DLC1: variants seen among roughly 807,000 people sequenced by gnomAD.
DLC1 encodes the protein DLC1 Rho GTPase activating protein.
In DLC1, 54 loss-of-function variants were observed where a neutral mutation model predicts 140.3. The ratio of observed to expected loss-of-function variants is 0.38; its 90% CI spans 0.31 to 0.48. The LOEUF (loss-of-function observed/expected upper bound fraction) is 0.48, where lower values mean the gene tolerates loss of function less well. Among genes scored for constraint, DLC1 ranks in the 20% least tolerant of loss-of-function variants. The pLI, the probability that DLC1 is intolerant of heterozygous loss-of-function variation, is 0.96. For synonymous variants in DLC1, 986 were observed against 728.1 expected (o/e 1.35, Z -5.70); for missense variants, 2,536 against 1,907.0 (o/e 1.33, Z -6.14).
chr8:13,232,734 A>G (rs1829106235), intron 5 of DLC1, among the ~76,000 whole-genome samples: 1 of 152,206 alleles, frequency 6.6e-6, no homozygotes, highest in South Asian at 2.1e-4. Context: ...GCAGTTCAAG[A>G]GACTGATGTT....
At chr8:13,516,167 TG>T (rs1554536507), upstream of DLC1, among the ~76,000 whole-genome samples, 12 of 151,026 alleles carry the variant, frequency 7.9e-5, no homozygotes, top group East Asian at 1.9e-4. Flanking sequence ...AGCATTTTTT[TG>T]GGGGGGGACT....
chr8:13,518,954 TC>T (rs1802679755), upstream of DLC1, among the ~76,000 whole-genome samples: 3 of 152,120 alleles, frequency 2.0e-5, no homozygotes, highest in South Asian at 6.2e-4. Flanking sequence ...ACATGTGTTT[TC>T]TTTTTTTAAA....
At chr8:13,104,536 G>T (rs564531848) in intron 7 of DLC1, among the ~76,000 whole-genome samples, 84 of 152,280 alleles carry the variant, frequency 5.5e-4, no homozygotes, top group African/African-American at 1.7e-3. Flanking sequence ...TAATGTGTCT[G>T]TTTGCCATCT....
At chr8:13,403,158 T>C (rs759539333) in intron 2 of DLC1, among the ~76,000 whole-genome samples, 15 of 152,230 alleles carry the variant, frequency 9.9e-5, no homozygotes, top group Non-Finnish European at 1.9e-4. Flanking sequence ...TACTATGCTG[T>C]TGTTATTACT....
intron 5 of DLC1, among the ~76,000 whole-genome samples, chr8:13,152,100 G>C (rs1013671543): frequency 6.6e-6 from 1 of 152,130 alleles, no homozygotes; most frequent in Non-Finnish European, 1.5e-5. Context: ...ACAGTCTCAG[G>C]GTTGCTTTGA....
intron 6 of DLC1, among the ~76,000 whole-genome samples, chr8:13,115,309 G>T (rs759520722): frequency 6.6e-6 from 1 of 152,114 alleles, no homozygotes; most frequent in African/African-American, 2.4e-5. Context: ...AAATGGAGTA[G>T]AATTATACAA....
At chr8:13,401,132 A>G (rs1837275760) in intron 3 of DLC1, among the ~76,000 whole-genome samples, 1 of 152,354 alleles carries the variant, frequency 6.6e-6, no homozygotes, top group African/African-American at 2.4e-5. Flanking sequence ...AGTCATAGAC[A>G]TAGTGCTTGC....
In DLC1 at chr8:13,319,957, G is replaced by A. The variant is rs569329865; in HGVS notation, c.1315-14655C>T. On this transcript the variant is annotated intron_variant, in intron 4 of 17. Transcript: ENST00000276297. ...CCTGTCTCAGCCTCCCAAGTAGCTG[G>A]GGTTACAGGTGCACGCCACCACGCC... is the stretch of plus-strand genomic sequence containing the variant. Among the ~76,000 whole-genome samples, 45 of 151,132 alleles carry A rather than the reference G, an allele frequency of 3.0e-4. No homozygotes were observed. The South Asian group carries it at 5.5e-3, about 18-fold the overall frequency.
chr8:13,221,733 T>C (rs1828564929), intron 5 of DLC1, among the ~76,000 whole-genome samples: 1 of 144,150 alleles, frequency 6.9e-6, no homozygotes, highest in Non-Finnish European at 1.5e-5. Context: ...TGTGTATATA[T>C]ATATATATAT....
intron 1 of DLC1, among the ~76,000 whole-genome samples, chr8:13,520,107 G>A (rs1348102425): frequency 1.3e-5 from 2 of 152,166 alleles, no homozygotes; most frequent in African/African-American, 4.8e-5. Context: ...ATTTGACCCT[G>A]CAATCCCATT....
intron 2 of DLC1, among the ~76,000 whole-genome samples, chr8:13,410,008 T>C (rs939594828): frequency 1.3e-5 from 2 of 152,112 alleles, no homozygotes; most frequent in African/African-American, 4.8e-5. Flanking sequence ...TGATGAAAAT[T>C]AGGGTGACAG....
At chr8:13,087,931 C>T (rs551756379) in intron 16 of DLC1, among the ~76,000 whole-genome samples, 5 of 152,312 alleles carry the variant, frequency 3.3e-5, no homozygotes, top group South Asian at 2.1e-4. Context: ...AAATCTGCTA[C>T]GAATGAGCAT....
chr8:13,515,919 A>G (rs1276068932), upstream of DLC1, among the ~76,000 whole-genome samples: 1 of 152,194 alleles, frequency 6.6e-6, no homozygotes, highest in African/African-American at 2.4e-5. Flanking sequence ...AAGTTACACC[A>G]ATTTTCCTTC....
intron 2 of DLC1, among the ~76,000 whole-genome samples, chr8:13,413,255 G>GTTTTTTTTTTTTTTTTTTT (rs1461897724): frequency 1.0e-4 from 3 of 30,132 alleles, no homozygotes; most frequent in Non-Finnish European, 8.7e-5. Flanking sequence ...ATTTTTTTGC[G>GTTTTTTTTTTTTTTTTTTT]ATTTTTTTTT....
chr8:13,472,268 T>G (rs549203785), intron 2 of DLC1, among the ~76,000 whole-genome samples: 62 of 152,294 alleles, frequency 4.1e-4, no homozygotes, highest in African/African-American at 1.5e-3. Flanking sequence ...CTGTTCTCAG[T>G]ACAGATTTAA....
intron 2 of DLC1, among the ~76,000 whole-genome samples, chr8:13,409,354 C>T (rs987127950): frequency 2.6e-5 from 4 of 152,096 alleles, no homozygotes; most frequent in African/African-American, 9.7e-5. Context: ...TGCTTTACTA[C>T]AAGTAGAGAG....
intron 1 of DLC1, among the ~76,000 whole-genome samples, chr8:13,565,759 C>G (rs958717884): frequency 1.3e-5 from 2 of 152,144 alleles, no homozygotes; most frequent in Non-Finnish European, 1.5e-5. Flanking sequence ...TTATCCTAGA[C>G]ATTGACTAAG....
At chr8:13,301,210 T>G (rs1832178145) in intron 5 of DLC1, among the ~76,000 whole-genome samples, 1 of 150,908 alleles carries the variant, frequency 6.6e-6, no homozygotes, top group South Asian at 2.2e-4. Context: ...AGAGAGAATT[T>G]CAGTCTAATA....
chr8:13,451,638 C>T (rs989593332), intron 2 of DLC1, among the ~76,000 whole-genome samples: 7 of 152,162 alleles, frequency 4.6e-5, no homozygotes, highest in Non-Finnish European at 7.3e-5. Flanking sequence ...CTGTGCCTGG[C>T]TTATTTCACT....
Sources: gnomAD v4.1 joint callset for allele counts (sites outside exome capture counted in the v4.1 genomes callset) on GRCh38, gnomAD v4.1.1 for gene constraint, MANE v1.5 for transcripts, NCBI Gene and HGNC (gene_info 2026-07-23, HGNC 2026-07-21) for gene names.